Variants in NEGR1 observed in about 807,000 individuals in gnomAD.
The protein encoded by NEGR1 is neuronal growth regulator 1.
A neutral mutation model predicts 40.9 loss-of-function variants in NEGR1; 10 were observed. That is an observed-to-expected ratio of 0.24 (90% CI 0.15 to 0.42). The LOEUF (loss-of-function observed/expected upper bound fraction) is 0.42. NEGR1 is among the 10% of genes least tolerant of loss of function. The probability of loss-of-function intolerance (pLI) is 1.00; values close to 1 mark genes in which losing one functional copy is unlikely to be tolerated. For synonymous variants in NEGR1, 185 were observed against 166.8 expected (o/e 1.11, Z -0.84); for missense variants, 352 against 438.9 (o/e 0.80, Z 1.77).
intron 1 of NEGR1, among the ~76,000 whole-genome samples, chr1:72,064,671 T>G (rs184605653): frequency 3.7e-4 from 56 of 152,228 alleles, no homozygotes; most frequent in African/African-American, 1.3e-3. Flanking sequence ...AAGCAAAATG[T>G]ACACTGCAAC....
chr1:72,113,088 T>C (rs1451259061), intron 1 of NEGR1, among the ~76,000 whole-genome samples: 1 of 151,744 alleles, frequency 6.6e-6, no homozygotes, highest in Non-Finnish European at 1.5e-5. Context: ...TCAAGATAGG[T>C]ACAGAGTTAA....
At chr1:71,653,908 C>T (rs1261060742) in intron 4 of NEGR1, among the ~76,000 whole-genome samples, 1 of 152,168 alleles carries the variant, frequency 6.6e-6, no homozygotes, top group Admixed American at 6.5e-5. Context: ...CCCATGGTTT[C>T]AGGCTCCAAA....
intron 1 of NEGR1, among the ~76,000 whole-genome samples, chr1:72,043,138 G>A (rs1266741387): frequency 1.3e-5 from 2 of 151,900 alleles, no homozygotes; most frequent in African/African-American, 2.4e-5. Context: ...ACCTGGCCTA[G>A]TCCATGAAGC....
At chr1:72,069,264 A>AAAAC (rs1020832309) in intron 1 of NEGR1, among the ~76,000 whole-genome samples, 2 of 151,800 alleles carry the variant, frequency 1.3e-5, no homozygotes, top group Admixed American at 6.6e-5. Context: ...ACAAAAAACA[A>AAAAC]AAACAAACAA....
chr1:72,246,198 C>CAATT (rs2307615), intron 1 of NEGR1, among the ~76,000 whole-genome samples: 66,289 of 151,628 alleles, frequency 0.44, 14,814 homozygotes, highest in Non-Finnish European at 0.48. Flanking sequence ...CTCTTTCCAT[C>CAATT]ACTTTCCTGA....
chr1:71,851,318 T>C (rs761574831), intron 2 of NEGR1, among the ~76,000 whole-genome samples: 1 of 152,160 alleles, frequency 6.6e-6, no homozygotes, highest in Admixed American at 6.6e-5. Context: ...CCTAGGTATG[T>C]TTTCTAAATA....
At chr1:72,058,901 T>C (rs1487063862) in intron 1 of NEGR1, among the ~76,000 whole-genome samples, 1 of 151,676 alleles carries the variant, frequency 6.6e-6, no homozygotes, top group Non-Finnish European at 1.5e-5. Flanking sequence ...AATGATTGTA[T>C]GTGTAATATT....
At chr1:71,474,579 C>A (rs1161199619) in intron 6 of NEGR1, among the ~76,000 whole-genome samples, 1 of 149,800 alleles carries the variant, frequency 6.7e-6, no homozygotes, top group African/African-American at 2.5e-5. Flanking sequence ...GGCGTGGTGG[C>A]AGGTGCCTAT....
intron 2 of NEGR1, among the ~76,000 whole-genome samples, chr1:71,925,566 A>T (rs1645764616): frequency 6.6e-6 from 1 of 152,316 alleles, no homozygotes; most frequent in East Asian, 1.9e-4. Context: ...ACTACAGATC[A>T]TAGAGTAAAC....
At chr1:72,251,412 C>T (rs1655083991) in intron 1 of NEGR1, among the ~76,000 whole-genome samples, 1 of 152,102 alleles carries the variant, frequency 6.6e-6, no homozygotes. Flanking sequence ...CAGAAACAGA[C>T]TTACTCAAAA....
rs371954166 is a variant in NEGR1 at position 71,819,079 on chromosome 1, A to T, written c.410-42782T>A. On this transcript the variant is annotated intron_variant, in intron 2 of 6. Coordinates refer to ENST00000357731, the MANE Select transcript of NEGR1 (RefSeq NM_173808.3). ...TCTGTTCTAGTGAGGGGCTAAAGAA[A>T]GCTGAGGCACAATTCTGAAACTAGG... Among the ~76,000 whole-genome samples the T allele has an allele frequency of 6.6e-5, 10 of 152,106 alleles. No individual in the cohort carries two copies. In the East Asian group the frequency reaches 1.4e-3, roughly 21 times the overall value.
At chr1:71,625,159 T>C (rs911867230) in intron 4 of NEGR1, among the ~76,000 whole-genome samples, 1 of 152,062 alleles carries the variant, frequency 6.6e-6, no homozygotes, top group African/African-American at 2.4e-5. Flanking sequence ...ATCATTTGAA[T>C]GTTTAACATT....
rs1654195681 is a variant in NEGR1 at position 72,226,520 on chromosome 1, T to A, written c.176+55799A>T. On this transcript the variant is annotated intron_variant, in intron 1 of 6. Transcript: ENST00000357731. ...CTTCTCAATGGCAAATATTATAGCC[T>A]TCAATTCCTAACTGTCCAAGGAGAA... 1.3e-5 allele frequency among the ~76,000 whole-genome samples: 2 copies of A among 152,028 alleles called. 1 individual carries two copies. The highest frequency in any genetic ancestry group is 4.8e-5 in the African/African-American group (2 of 41,442).
At position 71,490,064 on chromosome 1, in the gene NEGR1, T is replaced by C. The variant is rs527986002; in HGVS notation, c.941-82494A>G. 13 of 152,174 alleles carry C rather than the reference T, an allele frequency of 8.5e-5. No individual in the cohort carries two copies. In the East Asian group the frequency reaches 2.3e-3, roughly 27 times the overall value. The allele number at this position is 152,174 out of a possible 1,614,324, so 9.4% of individuals were successfully genotyped here. On this transcript the variant is annotated intron_variant, in intron 6 of 6. Coordinates refer to ENST00000357731, the MANE Select transcript of NEGR1 (RefSeq NM_173808.3). Reference sequence around the variant, plus strand: ...TGTCATAGTTTGAATAGATGCATGCTATGCATTGTTCTTTACATTATAACA... The same window carrying C: ...TGTCATAGTTTGAATAGATGCATGCCATGCATTGTTCTTTACATTATAACA...
intron 1 of NEGR1, among the ~76,000 whole-genome samples, chr1:72,258,980 A>C (rs988895052): frequency 2.0e-5 from 3 of 152,152 alleles, no homozygotes; most frequent in African/African-American, 7.2e-5. Flanking sequence ...AAAGTATGGA[A>C]GGTCTTTAAA....
At chr1:72,131,188 T>A (rs1014046885) in intron 1 of NEGR1, among the ~76,000 whole-genome samples, 10 of 152,190 alleles carry the variant, frequency 6.6e-5, no homozygotes, top group African/African-American at 2.2e-4. Flanking sequence ...ATTTAACATC[T>A]AGAAACCACC....
At chr1:71,787,808 A>G (rs1246656388) in intron 2 of NEGR1, among the ~76,000 whole-genome samples, 2 of 152,194 alleles carry the variant, frequency 1.3e-5, no homozygotes, top group Admixed American at 6.5e-5. Flanking sequence ...GAGAGCCACA[A>G]TCTTGCCATC....
chr1:71,495,981 T>C (rs1557545849), intron 6 of NEGR1, among the ~76,000 whole-genome samples: 1 of 152,214 alleles, frequency 6.6e-6, no homozygotes, highest in Non-Finnish European at 1.5e-5. Context: ...AGCAGTTTAT[T>C]TCAGAGGCTT....
intron 1 of NEGR1, among the ~76,000 whole-genome samples, chr1:71,988,395 C>T (rs558901660): frequency 4.0e-5 from 6 of 151,374 alleles, no homozygotes; most frequent in Admixed American, 2.6e-4. Flanking sequence ...AAAAATTAGC[C>T]GGGCGCGGTG....
Sources: gnomAD v4.1 joint callset for allele counts (sites outside exome capture counted in the v4.1 genomes callset) on GRCh38, gnomAD v4.1.1 for gene constraint, MANE v1.5 for transcripts, NCBI Gene and HGNC (gene_info 2026-07-23, HGNC 2026-07-21) for gene names.